Variants in LIN28B observed in about 807,000 individuals in gnomAD.
LIN28B encodes the protein protein lin-28 homolog B.
LIN28B carries 5 observed loss-of-function variants against 21.9 expected under a neutral mutation model. The ratio of observed to expected loss-of-function variants is 0.23; its 90% CI spans 0.12 to 0.48. The LOEUF is 0.48. Ranked by LOEUF, LIN28B falls within the 20% of genes least tolerant of loss-of-function variation. The pLI is 0.98. For synonymous variants in LIN28B, 109 were observed against 111.3 expected (o/e 0.98, Z 0.13); for missense variants, 245 against 310.5 (o/e 0.79, Z 1.58).
Position 104,958,128 on chromosome 6 carries a change from C to T in LIN28B, c.40C>T (p.Pro14Ser). 1 of 1,602,872 alleles carries T rather than the reference C, an allele frequency of 6.2e-7. No individual in the cohort carries two copies. Among genetic ancestry groups the T allele is most frequent in the Non-Finnish European group, 8.5e-7 (1 of 1,172,208 alleles). ...GGASKGGGEE[P>S]GKLPEPAEEE... Reference sequence around the variant, plus strand: ...GGCTAGCAAAGGTGGTGGAGAAGAGCCCGGGAAGCTGCCGGAGCCGGCAGA... The same window carrying T: ...GGCTAGCAAAGGTGGTGGAGAAGAGTCCGGGAAGCTGCCGGAGCCGGCAGA... The change falls in exon 2 of 4, where the codon CCC (proline) becomes TCC (serine). Residue 14 changes from proline (P) to serine (S), a missense_variant. By Grantham distance (74) the Pro-to-Ser change is moderately conservative (BLOSUM62 -1). Transcript: ENST00000345080.
At chr6:105,035,284 A>T (rs1420925028) in intron 3 of LIN28B, among the ~76,000 whole-genome samples, 1 of 152,152 alleles carries the variant, frequency 6.6e-6, no homozygotes, top group African/African-American at 2.4e-5. Context: ...GATGATAGAG[A>T]TGTTTGAAAT....
chr6:104,972,788 A>T (rs1356476611), intron 2 of LIN28B, among the ~76,000 whole-genome samples: 3 of 152,142 alleles, frequency 2.0e-5, no homozygotes, highest in Admixed American at 2.0e-4. Context: ...TTTGGATATT[A>T]TATTTAAAAG....
chr6:104,955,135 TTA>T (rs1207771102), upstream of LIN28B, among the ~76,000 whole-genome samples: 1 of 152,236 alleles, frequency 6.6e-6, no homozygotes, highest in East Asian at 1.9e-4. Flanking sequence ...CGATTTCATA[TTA>T]TGTCACAAGC....
intron 2 of LIN28B, among the ~76,000 whole-genome samples, chr6:105,017,604 C>G (rs531033277): frequency 6.6e-6 from 1 of 152,064 alleles, no homozygotes; most frequent in Non-Finnish European, 1.5e-5. Flanking sequence ...GTTTTTGCAG[C>G]TGGAGCCCAT....
rs78250932 is a variant in LIN28B, at chr6:105,061,342, G to A, written c.384-17072G>A. The stretch of plus-strand genomic sequence containing the variant: ...AATCAAAATGGAACAGTAGGAGATG[G>A]TCAAGAAAATTCCAGTATAAAAGGA... On this transcript the variant is annotated intron_variant, in intron 3 of 3. Coordinates refer to ENST00000345080, the MANE Select transcript of LIN28B (RefSeq NM_001004317.4). 7.7e-3 allele frequency among the ~76,000 whole-genome samples: 1,173 copies of A among 152,168 alleles called. 61 individuals carry two copies. In the East Asian group the frequency reaches 0.13, roughly 17 times the overall value.
chr6:104,961,511 C>T (rs2114573063), intron 2 of LIN28B, among the ~76,000 whole-genome samples: 1 of 152,084 alleles, frequency 6.6e-6, no homozygotes, highest in East Asian at 1.9e-4. Flanking sequence ...AGCGATTCTT[C>T]TGCCTCAGCC....
chr6:104,956,692 T>C (rs1354644377), upstream of LIN28B, among the ~76,000 whole-genome samples: 1 of 152,198 alleles, frequency 6.6e-6, no homozygotes, highest in Non-Finnish European at 1.5e-5. Flanking sequence ...ATGGAATAGC[T>C]GAATTCTTAA....
At chr6:105,058,115 G>T (rs1164017707) in intron 3 of LIN28B, 2 of 402,918 alleles carry the variant, frequency 5.0e-6, no homozygotes, top group Admixed American at 3.0e-5. Flanking sequence ...CTCTGAGGAG[G>T]GTATGTGTTT....
At chr6:105,067,356 G>C (rs1001850027) in intron 3 of LIN28B, among the ~76,000 whole-genome samples, 3 of 152,112 alleles carry the variant, frequency 2.0e-5, no homozygotes, top group African/African-American at 7.2e-5. Context: ...CACTACAACA[G>C]CAAAAATGCA....
intron 2 of LIN28B, among the ~76,000 whole-genome samples, chr6:104,961,889 T>TA (rs995985106): frequency 6.6e-5 from 10 of 152,318 alleles, no homozygotes; most frequent in Admixed American, 2.6e-4. Flanking sequence ...TAATAAGACT[T>TA]AAATATTTGA....
chr6:104,963,652 C>T (rs569094522), intron 2 of LIN28B, among the ~76,000 whole-genome samples: 21 of 152,156 alleles, frequency 1.4e-4, no homozygotes, highest in Non-Finnish European at 3.1e-4. Context: ...ACCCTTGCCC[C>T]TTCAAATGCA....
At chr6:105,059,334 G>C (rs1240198504) in intron 3 of LIN28B, among the ~76,000 whole-genome samples, 9 of 151,996 alleles carry the variant, frequency 5.9e-5, no homozygotes, top group African/African-American at 2.2e-4. Context: ...ATTAAATAGT[G>C]GATTTCCTGA....
At chr6:104,939,442 TAGG>T (rs911090978) in intron 2 of LIN28B, 1 of 152,204 alleles carries the variant, frequency 6.6e-6, no homozygotes, top group Non-Finnish European at 1.5e-5. Context: ...GGAAAATTCT[TAGG>T]AGGGGTCACA....
chr6:105,049,607 A>C (rs1771849512), intron 3 of LIN28B, among the ~76,000 whole-genome samples: 1 of 151,974 alleles, frequency 6.6e-6, no homozygotes, highest in Non-Finnish European at 1.5e-5. Context: ...TGGGGTGTTA[A>C]AGTCTCCCAT....
At chr6:105,037,909 G>A (rs146805104) in intron 3 of LIN28B, among the ~76,000 whole-genome samples, 1 of 151,990 alleles carries the variant, frequency 6.6e-6, no homozygotes, top group East Asian at 1.9e-4. Flanking sequence ...TATATATATG[G>A]TCCTGGGAAA....
At chr6:105,055,800 C>T (rs1455567794) in intron 3 of LIN28B, among the ~76,000 whole-genome samples, 1 of 152,044 alleles carries the variant, frequency 6.6e-6, no homozygotes, top group Non-Finnish European at 1.5e-5. Flanking sequence ...ACAGGGTCTT[C>T]CTTCCAGCCC....
At chr6:105,041,988 T>G (rs1229037579) in intron 3 of LIN28B, among the ~76,000 whole-genome samples, 2 of 152,228 alleles carry the variant, frequency 1.3e-5, no homozygotes, top group Admixed American at 6.5e-5. Context: ...TGCTCAATCC[T>G]AGTGCCAAGA....
intron 3 of LIN28B, among the ~76,000 whole-genome samples, chr6:105,065,789 A>AAATGCTTTTAT (rs1772208552): frequency 6.6e-6 from 1 of 152,236 alleles, no homozygotes; most frequent in Admixed American, 6.5e-5. Context: ...CTGGCCCTCT[A>AAATGCTTTTAT]TAAATGCTTT....
chr6:105,022,429 A>C (rs1771159437), intron 2 of LIN28B, among the ~76,000 whole-genome samples: 1 of 152,220 alleles, frequency 6.6e-6, no homozygotes, highest in African/African-American at 2.4e-5. Flanking sequence ...TGTTTAACAA[A>C]GTATAGACAG....
Sources: allele counts gnomAD v4.1 joint callset (sites outside exome capture counted in the v4.1 genomes callset), GRCh38; gene constraint gnomAD v4.1.1; transcripts MANE v1.5; gene names NCBI Gene and HGNC (gene_info 2026-07-23, HGNC 2026-07-21).